NTNG1: variants seen among roughly 807,000 people sequenced by gnomAD.
NTNG1 encodes the protein netrin G1.
Under a neutral mutation model 54.0 loss-of-function variants are expected in NTNG1, and 16 were observed. The ratio of observed to expected loss-of-function variants is 0.30; its 90% CI spans 0.20 to 0.45. NTNG1 has a LOEUF of 0.45. Ranked by LOEUF, NTNG1 falls within the 20% of genes least tolerant of loss-of-function variation. The pLI is 1.00. For synonymous variants in NTNG1, 255 were observed against 263.1 expected (o/e 0.97, Z 0.30); for missense variants, 530 against 678.7 (o/e 0.78, Z 2.43).
At position 107,236,778 on chromosome 1, in the gene NTNG1, C is replaced by A. The variant is rs148687689; in HGVS notation, c.247-87504C>A. Among the ~76,000 whole-genome samples, 549 of 152,144 alleles carry A rather than the reference C, an allele frequency of 3.6e-3. 1 individual carries two copies. Among genetic ancestry groups the A allele is most frequent in the African/African-American group, 0.012 (518 of 41,516 alleles). On this transcript the variant is annotated intron_variant, in intron 2 of 7. Coordinates refer to ENST00000370068, the MANE Select transcript of NTNG1 (RefSeq NM_001113226.3). ...GCCCAATATTTTTTTTTGCCTGCTGCCATCCCCGTAAGATGTGACTTGCTC... is the reference window on the plus strand; with the variant it reads ...GCCCAATATTTTTTTTTGCCTGCTGACATCCCCGTAAGATGTGACTTGCTC...
intron 3 of NTNG1, among the ~76,000 whole-genome samples, chr1:107,356,896 G>A (rs964502062): frequency 9.2e-5 from 14 of 152,018 alleles, no homozygotes; most frequent in African/African-American, 2.4e-4. Flanking sequence ...CTAGCTACTC[G>A]GGAGGTTGAG....
intron 2 of NTNG1, among the ~76,000 whole-genome samples, chr1:107,286,041 G>A (rs749962220): frequency 1.5e-4 from 23 of 152,150 alleles, no homozygotes; most frequent in Admixed American, 2.6e-4. Flanking sequence ...ATCTGCAGTC[G>A]CTTTGTCATT....
At chr1:107,204,815 C>A (rs532854234) in intron 2 of NTNG1, among the ~76,000 whole-genome samples, 1 of 152,252 alleles carries the variant, frequency 6.6e-6, no homozygotes, top group Admixed American at 6.5e-5. Context: ...AATCTCTGTA[C>A]ATACCCTTCT....
intron 7 of NTNG1, among the ~76,000 whole-genome samples, chr1:107,480,316 A>C (rs626476): frequency 0.067 from 10,132 of 152,278 alleles, 558 homozygotes; most frequent in African/African-American, 0.14. Context: ...AGATACTGCC[A>C]AACTAGGACT....
At chr1:107,440,508 G>A (rs1223630083) in intron 7 of NTNG1, among the ~76,000 whole-genome samples, 2 of 152,130 alleles carry the variant, frequency 1.3e-5, no homozygotes, top group Non-Finnish European at 2.9e-5. Flanking sequence ...AATTGTGAAG[G>A]TTCAAATAAA....
chr1:107,203,797 G>A (rs1658951938), intron 2 of NTNG1, among the ~76,000 whole-genome samples: 1 of 151,110 alleles, frequency 6.6e-6, no homozygotes, highest in Non-Finnish European at 1.5e-5. Flanking sequence ...AGTCTTAACT[G>A]GCATTTTATG....
chr1:107,454,948 C>A (rs1342381846), intron 7 of NTNG1, among the ~76,000 whole-genome samples: 1 of 152,194 alleles, frequency 6.6e-6, no homozygotes, highest in African/African-American at 2.4e-5. Flanking sequence ...ATACATTCAT[C>A]GTTCAGGTGC....
At chr1:107,340,174 G>A (rs928031577) in intron 3 of NTNG1, among the ~76,000 whole-genome samples, 23 of 151,954 alleles carry the variant, frequency 1.5e-4, no homozygotes, top group African/African-American at 5.6e-4. Flanking sequence ...TTATCTAATG[G>A]TTGAAAATAT....
At chr1:107,214,839 G>A (rs868680045) in intron 2 of NTNG1, among the ~76,000 whole-genome samples, 7 of 151,144 alleles carry the variant, frequency 4.6e-5, no homozygotes, top group Non-Finnish European at 1.0e-4. Flanking sequence ...CAGGAGTGAG[G>A]TGGTATCACA....
intron 2 of NTNG1, among the ~76,000 whole-genome samples, chr1:107,278,969 T>C (rs1664659897): frequency 6.6e-6 from 1 of 152,200 alleles, no homozygotes; most frequent in African/African-American, 2.4e-5. Context: ...CATTTTGTGC[T>C]ATAACCATAA....
intron 7 of NTNG1, among the ~76,000 whole-genome samples, chr1:107,456,951 A>T (rs1676992685): frequency 6.6e-6 from 1 of 152,242 alleles, no homozygotes; most frequent in South Asian, 2.1e-4. Context: ...ATACTGATGA[A>T]TTAATAATTC....
At position 107,482,054 on chromosome 1, in the gene NTNG1, G is replaced by GAAAAAAAAAAAAAAAAAAAAAA. The variant is rs1261871821; in HGVS notation, c.*1214_*1215insAAAAAAAAAAAAAAAAAAAAAA. On this transcript the variant is annotated 3_prime_UTR_variant, in exon 8 of 8. Coordinates refer to ENST00000370068, the MANE Select transcript of NTNG1 (RefSeq NM_001113226.3). ...TTTCCACTTGGGAAAAATTACAACA[G>GAAAAAAAAAAAAAAAAAAAAAA]CAAAAAAAAAAAAAAAAAAAAAAAA... 8.0e-5 allele frequency: 1 copy of GAAAAAAAAAAAAAAAAAAAAAA among 12,440 alleles called. No homozygotes were observed. The highest frequency in any genetic ancestry group is 1.6e-4 in the Non-Finnish European group (1 of 6,094). 0.8% of individuals were successfully genotyped at this position (12,440 alleles called of 1,614,324 possible).
At chr1:107,290,832 C>G (rs1272417132) in intron 2 of NTNG1, among the ~76,000 whole-genome samples, 1 of 151,220 alleles carries the variant, frequency 6.6e-6, no homozygotes, top group East Asian at 1.9e-4. Flanking sequence ...TAATTACATG[C>G]TTGCATGTAA....
At chr1:107,258,419 A>T (rs972631716) in intron 2 of NTNG1, among the ~76,000 whole-genome samples, 3 of 152,140 alleles carry the variant, frequency 2.0e-5, no homozygotes, top group Non-Finnish European at 2.9e-5. Flanking sequence ...CCTCTATAAT[A>T]GACTCCTTAA....
chr1:107,316,975 C>T (rs553044511), intron 2 of NTNG1, among the ~76,000 whole-genome samples: 3 of 152,298 alleles, frequency 2.0e-5, no homozygotes, highest in Non-Finnish European at 4.4e-5. Context: ...GAAGGTCCTG[C>T]CTGCCTCTCA....
chr1:107,307,312 A>G (rs1042304583), intron 2 of NTNG1, among the ~76,000 whole-genome samples: 1 of 152,198 alleles, frequency 6.6e-6, no homozygotes, highest in South Asian at 2.1e-4. Flanking sequence ...TAGGTGACAC[A>G]CTGGACCCTA....
chr1:107,376,841 G>A (rs1671304181), intron 3 of NTNG1, among the ~76,000 whole-genome samples: 1 of 152,078 alleles, frequency 6.6e-6, no homozygotes, highest in Non-Finnish European at 1.5e-5. Context: ...ACATGCAAGT[G>A]TCCCGTCTTC....
At chr1:107,347,756 T>TA (rs941864175) in intron 3 of NTNG1, among the ~76,000 whole-genome samples, 1 of 152,266 alleles carries the variant, frequency 6.6e-6, no homozygotes, top group East Asian at 1.9e-4. Context: ...TCAGGACACT[T>TA]ACAATCATGG....
chr1:107,430,790 C>G lies in NTNG1; in HGVS notation c.1128C>G (p.Ile376Met). ...CFGHSNRCSY[I>M]DLLNTVICVS... ...GCCACTCCAATCGATGCAGTTATAT[C>G]GATCTGCTAAATACAGTCATTTGCG... Residue 376 changes from isoleucine to methionine, a missense_variant, in exon 6 of 8, where the codon ATC becomes ATG. Around this residue, in one of 2 missense-constraint regions of NTNG1, gnomAD observed 212 missense variants for 213.6 expected, o/e 0.99. Transcript: ENST00000370068. 1.2e-6 allele frequency: 2 copies of G among 1,613,236 alleles called. No individual in the cohort carries two copies. Among genetic ancestry groups the G allele is most frequent in the East Asian group, 2.2e-5 (1 of 44,758 alleles).
Sources: allele counts gnomAD v4.1 joint callset (sites outside exome capture counted in the v4.1 genomes callset), GRCh38; gene constraint gnomAD v4.1.1; regional missense constraint gnomAD v4.1.1; transcripts MANE v1.5; gene names NCBI Gene and HGNC (gene_info 2026-07-23, HGNC 2026-07-21).